The following SLIT2 variants were observed in gnomAD, a reference collection of about 807,000 sequenced individuals.
The protein encoded by SLIT2 is slit homolog 2 protein.
SLIT2 carries 41 observed loss-of-function variants against 185.7 expected under a neutral mutation model. The ratio of observed to expected loss-of-function variants is 0.22; its 90% confidence interval spans 0.17 to 0.29. The LOEUF is 0.29. Ranked by LOEUF, SLIT2 falls within the 10% of genes least tolerant of loss-of-function variation. The pLI, the probability that SLIT2 is intolerant of heterozygous loss-of-function variation, is 1.00. For synonymous variants in SLIT2, 693 were observed against 680.2 expected, an observed-to-expected ratio of 1.02 and a Z score of -0.29; for missense variants, 1,571 against 1,909.0, an observed-to-expected ratio of 0.82 and a Z score of 3.30.
rs545094547 is a variant in SLIT2 at position 20,384,046 on chromosome 4, T to C, written c.396-83706T>C. ...AAGTGTTTTTCCAACAGAAAAGAAA[T>C]TTTTATTCACACCAAGGCTTATATG... On this transcript the variant is annotated intron_variant, in intron 4 of 36. Transcript: ENST00000504154. Among the ~76,000 whole-genome samples, 87 of 151,932 alleles carry C rather than the reference T, an allele frequency of 5.7e-4. No individual in the cohort carries two copies. In the South Asian group the frequency reaches 0.015, roughly 25 times the overall value.
chr4:20,591,006 C>T (rs1005337118), intron 30 of SLIT2, among the ~76,000 whole-genome samples: 4 of 152,246 alleles, frequency 2.6e-5, no homozygotes, highest in African/African-American at 7.2e-5. Flanking sequence ...ATTACACAGT[C>T]GGGTACAGGG....
intron 29 of SLIT2, among the ~76,000 whole-genome samples, chr4:20,570,155 G>T (rs1340979762): frequency 6.6e-6 from 1 of 151,518 alleles, no homozygotes; most frequent in Non-Finnish European, 1.5e-5. Context: ...TTATTTTTTT[G>T]GCACCAATAA....
chr4:20,493,350 A>C (rs1409040419), intron 9 of SLIT2, among the ~76,000 whole-genome samples: 1 of 152,200 alleles, frequency 6.6e-6, no homozygotes, highest in Admixed American at 6.5e-5. Context: ...AGTAGAACGA[A>C]ATACTAAATT....
intron 4 of SLIT2, among the ~76,000 whole-genome samples, chr4:20,459,169 A>G (rs953004170): frequency 3.3e-5 from 5 of 152,152 alleles, no homozygotes; most frequent in African/African-American, 4.8e-5. Context: ...AACAGTCCCA[A>G]TAATCCCTAA....
intron 21 of SLIT2, among the ~76,000 whole-genome samples, chr4:20,543,628 A>G (rs1248470850): frequency 1.3e-5 from 2 of 152,236 alleles, no homozygotes; most frequent in Non-Finnish European, 2.9e-5. Context: ...ACAGTGTGCA[A>G]CATAGGTAAT....
chr4:20,424,720 T>A (rs1221417544), intron 4 of SLIT2, among the ~76,000 whole-genome samples: 1 of 152,108 alleles, frequency 6.6e-6, no homozygotes, highest in Non-Finnish European at 1.5e-5. Context: ...TTATAAACAG[T>A]CACAGAAGCA....
rs368045118 is a variant in SLIT2 at position 20,293,927 on chromosome 4, A to T, written c.395+25046A>T. ...GGTCCACGGACACCAATCCTTTTTT[A>T]CTTTTTTTTTTTTCTACCATTTCAT... is the stretch of plus-strand genomic sequence containing the variant. On this transcript the variant is annotated intron_variant, in intron 4 of 36. Transcript: ENST00000504154. 2.0e-3 allele frequency among the ~76,000 whole-genome samples: 292 copies of T among 145,614 alleles called. 1 individual carries two copies. The highest frequency in any genetic ancestry group is 5.7e-3 in the African/African-American group (228 of 39,784).
intron 4 of SLIT2, among the ~76,000 whole-genome samples, chr4:20,383,921 G>A (rs1258629934): frequency 6.6e-6 from 1 of 151,998 alleles, no homozygotes; most frequent in Admixed American, 6.6e-5. Context: ...GGCCAGGCTG[G>A]TCTCAAACTC....
chr4:20,388,855 A>G (rs1046466193), intron 4 of SLIT2, among the ~76,000 whole-genome samples: 2 of 143,418 alleles, frequency 1.4e-5, no homozygotes, highest in African/African-American at 2.5e-5. Flanking sequence ...AATATGTATT[A>G]TATATAAAAT....
intron 4 of SLIT2, among the ~76,000 whole-genome samples, chr4:20,431,112 C>G (rs576897667): frequency 8.7e-4 from 132 of 152,330 alleles, no homozygotes; most frequent in African/African-American, 3.0e-3. Flanking sequence ...ATATTTTTCT[C>G]AGGCCCCAGA....
chr4:20,588,445 G>C (rs1577978148), intron 29 of SLIT2, among the ~76,000 whole-genome samples: 1 of 152,130 alleles, frequency 6.6e-6, no homozygotes, highest in African/African-American at 2.4e-5. Context: ...AGGTGCACAA[G>C]CCTGAAATTT....
rs1047047446 is a variant in SLIT2, at chr4:20,270,783, A to G, written c.395+1902A>G. 2.0e-5 allele frequency among the ~76,000 whole-genome samples: 3 copies of G among 151,984 alleles called. No individual in the cohort carries two copies. The South Asian group carries it at 6.2e-4, about 31-fold the overall frequency. ...TGTATCCCTTTACATGAGATTTGACATCAGATTTAGGCACTGGATGTACAT... is the reference window on the plus strand; with the variant it reads ...TGTATCCCTTTACATGAGATTTGACGTCAGATTTAGGCACTGGATGTACAT... On this transcript the variant is annotated intron_variant, in intron 4 of 36. Coordinates refer to ENST00000504154, the MANE Select transcript of SLIT2 (RefSeq NM_004787.4).
chr4:20,565,884 A>G (rs141446083), intron 26 of SLIT2, among the ~76,000 whole-genome samples: 3 of 152,186 alleles, frequency 2.0e-5, no homozygotes, highest in Non-Finnish European at 4.4e-5. Context: ...ACAGGACACT[A>G]TCATTTTCAT....
intron 34 of SLIT2, among the ~76,000 whole-genome samples, chr4:20,610,849 C>A (rs1474460025): frequency 6.6e-6 from 1 of 152,044 alleles, no homozygotes; most frequent in East Asian, 1.9e-4. Flanking sequence ...AGTGAAGACC[C>A]TGGGCTTTAT....
intron 4 of SLIT2, among the ~76,000 whole-genome samples, chr4:20,315,355 T>C (rs1486350552): frequency 1.3e-5 from 2 of 152,052 alleles, no homozygotes; most frequent in Non-Finnish European, 1.5e-5. Flanking sequence ...CAGCATTAGG[T>C]AGATATTTCA....
intron 9 of SLIT2, among the ~76,000 whole-genome samples, chr4:20,495,996 A>G (rs1187535601): frequency 6.6e-6 from 1 of 152,144 alleles, no homozygotes; most frequent in African/African-American, 2.4e-5. Flanking sequence ...TTATTCAAAT[A>G]TATTTTCATA....
At position 20,488,951 on chromosome 4, in the gene SLIT2, C is replaced by A; in HGVS notation, c.744C>A (p.Ala248=). Residue 248 remains alanine (A), a synonymous_variant, in exon 8 of 37, where the codon GCC becomes GCA. Coordinates refer to ENST00000504154, the MANE Select transcript of SLIT2 (RefSeq NM_004787.4). ...GPSHLRGHNV[A]EVQKREFVCS... ...CCCACCTGAGAGGCCATAATGTAGC[C>A]GAGGTTCAAAAACGAGAATTTGTCT... is the stretch of plus-strand genomic sequence containing the variant. The A allele has an allele frequency of 6.2e-7, 1 of 1,610,250 alleles. No individual in the cohort carries two copies. The highest frequency in any genetic ancestry group is 8.5e-7 in the Non-Finnish European group (1 of 1,177,202).
At chr4:20,524,327 T>G in intron 14 of SLIT2, 150 bp downstream of exon 14, 2 of 677,628 alleles carry the variant, frequency 3.0e-6, no homozygotes, top group Non-Finnish European at 2.5e-6. Flanking sequence ...AAGAGGACTG[T>G]AGACCCAATT....
chr4:20,268,738 C>G (rs1441477734), intron 3 of SLIT2, 72 bp from the exon 4 acceptor site: 2 of 918,366 alleles, frequency 2.2e-6, no homozygotes, highest in Non-Finnish European at 3.7e-6. Context: ...TGAGGCATGA[C>G]ACTACCAAAT....
Sources: allele counts gnomAD v4.1 joint callset (sites outside exome capture counted in the v4.1 genomes callset), GRCh38; gene constraint gnomAD v4.1.1; transcripts MANE v1.5; gene names NCBI Gene and HGNC (gene_info 2026-07-23, HGNC 2026-07-21).